The following STK11 variants were observed in gnomAD, a reference collection of about 807,000 sequenced individuals.
STK11 encodes serine/threonine-protein kinase STK11.
A neutral mutation model predicts 47.3 loss-of-function variants in STK11; 8 were observed. The ratio of observed to expected loss-of-function variants is 0.17; its 90% CI spans 0.10 to 0.31. The LOEUF (loss-of-function observed/expected upper bound fraction) is 0.31, where lower values mean the gene tolerates loss of function less well. STK11 is among the 10% of genes least tolerant of loss of function. The pLI is 1.00. For missense variants in STK11, 475 were observed against 605.0 expected, an observed-to-expected ratio of 0.79 and a Z score of 2.25; for synonymous variants, 330 against 255.8, an observed-to-expected ratio of 1.29 and a Z score of -2.77.
chr19:1,206,604 C>G lies in STK11; in HGVS notation c.-310C>G. The G allele has an allele frequency of 2.1e-6, 1 of 466,756 alleles. No homozygotes were observed. 28.9% of individuals were successfully genotyped at this position (466,756 alleles called of 1,614,324 possible). A position where few individuals can be genotyped will look rare whatever the true frequency, so the allele number is the denominator to read the frequency against. On this transcript the variant is annotated 5_prime_UTR_variant, in exon 1 of 10. Transcript: ENST00000326873. ...AGGGTCCCCGAGGACGAAGTTGACC[C>G]TGACCGGGCCGTCTCCCAGTTCTGA...
chr19:1,224,951 C>G, intron 8 of STK11: 1 of 985,542 alleles, frequency 1.0e-6, no homozygotes, highest in Non-Finnish European at 1.2e-6. Flanking sequence ...GCAGGACAGC[C>G]CGGCGCCCTC....
rs2145425219 is a variant in STK11 at position 1,220,637 on chromosome 19, T to A, written c.654T>A (p.Ala218=). 6.2e-7 allele frequency: 1 copy of A among 1,608,208 alleles called. No individual in the cohort carries two copies. Among genetic ancestry groups the A allele is most frequent in the South Asian group, 1.1e-5 (1 of 90,596 alleles). ...DTCRTSQGSP[A]FQPPEIANGL... ...GCCGGACCAGCCAGGGCTCCCCGGC[T>A]TTCCAGCCGCCCGAGATTGCCAACG... Residue 218 remains alanine, a synonymous_variant, in exon 5 of 10, where the codon GCT becomes GCA. Coordinates refer to ENST00000326873, the MANE Select transcript of STK11 (RefSeq NM_000455.5).
chr19:1,226,006 G>A (rs935011412), intron 8 of STK11: 23 of 1,005,902 alleles, frequency 2.3e-5, no homozygotes, highest in South Asian at 8.3e-5. Context: ...GGCATTTCGC[G>A]TGCCTGGCCT....
At chr19:1,207,882 G>C (rs2080679328) in intron 1 of STK11, among the ~76,000 whole-genome samples, 1 of 152,188 alleles carries the variant, frequency 6.6e-6, no homozygotes, top group African/African-American at 2.4e-5. Flanking sequence ...CAGGCACGGG[G>C]CTGCCGCTGG....
intron 1 of STK11, among the ~76,000 whole-genome samples, chr19:1,212,628 C>T (rs1002092279): frequency 1.3e-4 from 19 of 151,366 alleles, no homozygotes; most frequent in Non-Finnish European, 1.5e-4. Flanking sequence ...TGCTGTGGCA[C>T]GATCTTGGCT....
At chr19:1,227,495 CA>C (rs2145438309) in intron 9 of STK11, 97 bp from the exon 10 acceptor site, 1 of 1,055,264 alleles carries the variant, frequency 9.5e-7, no homozygotes, top group South Asian at 4.6e-5. Flanking sequence ...CCGGTAGCCC[CA>C]TGACTGTACC....
chr19:1,223,432 G>A (rs1316284364), intron 8 of STK11, among the ~76,000 whole-genome samples: 1 of 152,226 alleles, frequency 6.6e-6, no homozygotes, highest in Non-Finnish European at 1.5e-5. Flanking sequence ...TCCGGGTGCT[G>A]CCCAGCCAGG....
intron 1 of STK11, among the ~76,000 whole-genome samples, chr19:1,216,858 A>G (rs1169582527): frequency 3.3e-5 from 5 of 149,704 alleles, no homozygotes; most frequent in Non-Finnish European, 5.9e-5. Flanking sequence ...AAAGTGCATC[A>G]CACACTGTGT....
In STK11 at chr19:1,220,519, A is replaced by AG. The variant is rs534445875; in HGVS notation, c.597+21dup. 609 of 1,593,380 alleles carry AG rather than the reference A, an allele frequency of 3.8e-4. 2 individuals carry two copies. Among genetic ancestry groups the AG allele is most frequent in the East Asian group, 1.3e-3 (58 of 44,118 alleles). ...GGCGTGGCCGAGGTAGGCACGTGCT[A>AG]GGGGGGGCCCTGGGGCGCCCCCTCC... On this transcript the variant is annotated intron_variant, in intron 4 of 9. Transcript: ENST00000326873.
intron 1 of STK11, chr19:1,216,175 G>A (rs1467340562): frequency 2.5e-5 from 4 of 159,244 alleles, no homozygotes; most frequent in Non-Finnish European, 2.8e-5. Flanking sequence ...ACATTCACAC[G>A]GCTGTGCAAC....
intron 2 of STK11, 103 bp downstream of exon 2, chr19:1,218,603 G>C: frequency 9.7e-7 from 1 of 1,034,604 alleles, no homozygotes; most frequent in Non-Finnish European, 1.5e-6. Flanking sequence ...CCTTGAAGGA[G>C]ACTGGCACAC....
At chr19:1,218,290 C>A in intron 1 of STK11, 127 bp from the exon 2 acceptor site, 1 of 800,540 alleles carries the variant, frequency 1.2e-6, no homozygotes, top group Admixed American at 1.9e-5. Context: ...TGTGAACTCA[C>A]AGCTTCTCTC....
chr19:1,221,187 C>T, intron 5 of STK11, 26 bp from the exon 6 acceptor site: 1 of 1,610,746 alleles, frequency 6.2e-7, no homozygotes, highest in Non-Finnish European at 8.5e-7. Context: ...CTGACCACGC[C>T]TTTCTTCCCT....
chr19:1,218,262 G>C (rs576436009), intron 1 of STK11, among the ~76,000 whole-genome samples, 155 bp from the exon 2 acceptor site: 15 of 152,284 alleles, frequency 9.9e-5, no homozygotes, highest in African/African-American at 3.4e-4. Context: ...GCCCCTGCAG[G>C]GCCCTTTCCC....
chr19:1,208,598 G>A (rs1459526377), intron 1 of STK11, among the ~76,000 whole-genome samples: 6 of 138,230 alleles, frequency 4.3e-5, no homozygotes, highest in African/African-American at 1.6e-4. Flanking sequence ...GTGAGTCAAC[G>A]CGTGCGGCCT....
intron 1 of STK11, among the ~76,000 whole-genome samples, chr19:1,217,744 T>C (rs2080754089): frequency 6.6e-6 from 1 of 152,170 alleles, no homozygotes; most frequent in African/African-American, 2.4e-5. Flanking sequence ...AGCCCTTGGC[T>C]GCGTGGGACT....
intron 6 of STK11, 102 bp from the exon 7 acceptor site, chr19:1,221,847 G>C (rs2080786572): frequency 2.9e-6 from 4 of 1,389,068 alleles, no homozygotes; most frequent in Non-Finnish European, 4.0e-6. Flanking sequence ...GAGCGTCCAG[G>C]TATCACCCAG....
chr19:1,220,464 A>C lies in STK11; in HGVS notation c.556A>C (p.Thr186Pro), dbSNP rs2080774753. The change falls in exon 4 of 10, where the codon ACC becomes CCC. Residue 186 changes from threonine to proline, a missense_variant. Thr to Pro is a conservative substitution (Grantham distance 38, BLOSUM62 -1). This residue lies in a region of STK11 where 130 missense variants were observed against 239.7 expected (regional missense o/e 0.54). Coordinates refer to ENST00000326873, the MANE Select transcript of STK11 (RefSeq NM_000455.5). Reference sequence around the variant, plus strand: ...CAAGCCGGGGAACCTGCTGCTCACCACCGGTGGCACCCTCAAAATCTCCGA... The same window carrying C: ...CAAGCCGGGGAACCTGCTGCTCACCCCCGGTGGCACCCTCAAAATCTCCGA... ...DIKPGNLLLTTGGTLKISDLG... is the reference protein window; with the variant it reads ...DIKPGNLLLTPGGTLKISDLG... The C allele has an allele frequency of 6.2e-7, 1 of 1,606,984 alleles. No individual in the cohort carries two copies. Among genetic ancestry groups the C allele is most frequent in the Non-Finnish European group, 8.5e-7 (1 of 1,177,194 alleles).
Position 1,227,886 on chromosome 19 carries a change from C to T in STK11, c.*310C>T, listed in dbSNP as rs2080838065. ...ATGCACTTTATGTGGAGACTACTGG[C>T]CCCGCCCGTGGCCTCGTGCTCCGCA... On this transcript the variant is annotated 3_prime_UTR_variant, in exon 10 of 10. Coordinates refer to ENST00000326873, the MANE Select transcript of STK11 (RefSeq NM_000455.5). 3.7e-6 allele frequency: 4 copies of T among 1,069,400 alleles called. No individual in the cohort carries two copies. In the South Asian group the frequency reaches 1.8e-4, roughly 49 times the overall value. 66.2% of individuals were successfully genotyped at this position (1,069,400 alleles called of 1,614,324 possible). A position where few individuals can be genotyped will look rare whatever the true frequency, so the allele number is the denominator to read the frequency against.
Sources: gnomAD v4.1 joint callset for allele counts (sites outside exome capture counted in the v4.1 genomes callset) on GRCh38, gnomAD v4.1.1 for gene constraint, gnomAD v4.1.1 regional missense constraint, MANE v1.5 for transcripts, NCBI Gene and HGNC (gene_info 2026-07-23, HGNC 2026-07-21) for gene names.